Variants in CEP152 observed in about 807,000 individuals in gnomAD.
The protein encoded by CEP152 is centrosomal protein 152, also known as centrosomal protein of 152 kDa.
CEP152 carries 132 observed loss-of-function variants against 188.9 expected under a neutral mutation model. The ratio of observed to expected loss-of-function variants is 0.70; its 90% confidence interval spans 0.61 to 0.81. The LOEUF is 0.81. CEP152 is among the 30% of genes least tolerant of loss of function. CEP152 has a pLI of 0.00. For synonymous variants in CEP152, 649 were observed against 666.6 expected (o/e 0.97, Z 0.41); for missense variants, 1,914 against 1,969.8 (o/e 0.97, Z 0.54).
chr15:48,782,155 A>G lies in CEP152; in HGVS notation c.1397T>C (p.Met466Thr). The change falls in exon 11 of 27, where the codon ATG (methionine) becomes ACG (threonine). Residue 466 changes from methionine to threonine, a missense_variant. Coordinates refer to ENST00000380950, the MANE Select transcript of CEP152 (RefSeq NM_001194998.2). ...AACACTCACTTGCAAAGCCTTGTTC[A>G]TGTTTGCACTCATAGCATGTGCCTT... ...AQKAHAMSAN[M>T]NKALQEELTE... 1 of 1,613,882 alleles carries G rather than the reference A, an allele frequency of 6.2e-7. No homozygotes were observed. Among genetic ancestry groups the G allele is most frequent in the Non-Finnish European group, 8.5e-7 (1 of 1,179,812 alleles).
At chr15:48,796,352 T>C (rs1045198263) in intron 5 of CEP152, among the ~76,000 whole-genome samples, 192 bp from the exon 6 acceptor site, 3 of 151,938 alleles carry the variant, frequency 2.0e-5, no homozygotes, top group Non-Finnish European at 2.9e-5. Context: ...AAGTAGCACG[T>C]ATTGTTATTT....
intron 1 of CEP152, among the ~76,000 whole-genome samples, chr15:48,805,880 A>C (rs1333378065): frequency 2.0e-5 from 3 of 152,256 alleles, no homozygotes; most frequent in Non-Finnish European, 4.4e-5. Flanking sequence ...TAATAAAGCT[A>C]TGAATAGACC....
At chr15:48,756,686 T>C in intron 19 of CEP152, 133 bp from the exon 20 acceptor site, 1 of 810,476 alleles carries the variant, frequency 1.2e-6, no homozygotes, top group South Asian at 1.7e-5. Context: ...AACATGATTT[T>C]AGATAAGACA....
chr15:48,797,054 A>G (rs1015403182), intron 5 of CEP152, among the ~76,000 whole-genome samples: 43 of 152,234 alleles, frequency 2.8e-4, no homozygotes, highest in African/African-American at 9.9e-4. Flanking sequence ...TTAACTTTTA[A>G]TGTTTAATCA....
chr15:48,783,480 A>G (rs542178905), intron 10 of CEP152: 39 of 152,288 alleles, frequency 2.6e-4, no homozygotes, highest in African/African-American at 9.1e-4. Flanking sequence ...ATGGGATTTT[A>G]TAATCACTTT....
chr15:48,805,747 G>A, intron 1 of CEP152, 91 bp from the exon 2 acceptor site: 1 of 1,539,196 alleles, frequency 6.5e-7, no homozygotes, highest in Non-Finnish European at 8.9e-7. Flanking sequence ...TACACAAAGT[G>A]AAAAGACAGA....
chr15:48,774,975 G>A (rs1263837150), intron 12 of CEP152, among the ~76,000 whole-genome samples: 1 of 151,874 alleles, frequency 6.6e-6, no homozygotes, highest in Non-Finnish European at 1.5e-5. Flanking sequence ...AAATAGAAAT[G>A]TTATTAAGTA....
rs1265936291 is a variant in CEP152 at position 48,768,248 on chromosome 15, A to G, written c.1989T>C (p.Phe663=). The part of the protein sequence containing the change: ...CNQMRQMVQD[F]DHDKQEAVDR... ...CCACAGCTTCTTGTTTGTCATGGTC[A>G]AAATCTTGTACCATTTGTCTCATTT... The change falls in exon 15 of 27, where the codon TTT becomes TTC. Residue 663 remains phenylalanine, a synonymous_variant. Transcript: ENST00000380950. The G allele has an allele frequency of 9.9e-6, 16 of 1,611,434 alleles. No homozygotes were observed. Among genetic ancestry groups the G allele is most frequent in the Non-Finnish European group, 1.4e-5 (16 of 1,177,660 alleles).
At chr15:48,799,991 T>A (rs1897576031) in intron 2 of CEP152, among the ~76,000 whole-genome samples, 1 of 152,208 alleles carries the variant, frequency 6.6e-6, no homozygotes, top group Non-Finnish European at 1.5e-5. Flanking sequence ...AAACCTTCAG[T>A]AAGGTTCAAG....
intron 12 of CEP152, among the ~76,000 whole-genome samples, chr15:48,776,755 T>G (rs1188063826): frequency 6.6e-6 from 1 of 152,102 alleles, no homozygotes; most frequent in Non-Finnish European, 1.5e-5. Context: ...TTTAGAAACA[T>G]ACAAAACAGG....
intron 8 of CEP152, chr15:48,789,302 T>A: frequency 2.3e-6 from 1 of 435,216 alleles, no homozygotes; most frequent in Non-Finnish European, 4.3e-6. Flanking sequence ...CGGAATCTGC[T>A]GATGCCGTGA....
Position 48,741,624 on chromosome 15 carries a change from G to T in CEP152, c.4070C>A (p.Ser1357Tyr). The T allele has an allele frequency of 6.2e-7, 1 of 1,614,086 alleles. No individual in the cohort carries two copies. The highest frequency in any genetic ancestry group is 8.5e-7 in the Non-Finnish European group (1 of 1,180,020). The change falls in exon 26 of 27, where the codon TCC becomes TAC. Residue 1357 changes from serine to tyrosine, a missense_variant. Physicochemically the swap from Ser to Tyr is moderately radical, Grantham distance 144 (BLOSUM62 -2). Transcript: ENST00000380950. ...ACCTGACTGTGTAGTTTTGCTTTGG[G>T]ACTTACTAGAAATAGGTGTTTCCAG... ...KLLETPISSK[S>Y]QSKTTQSALP...
chr15:48,741,775 C>T (rs1892991725), intron 25 of CEP152, 71 bp from the exon 26 acceptor site: 1 of 1,611,004 alleles, frequency 6.2e-7, no homozygotes, highest in South Asian at 1.1e-5. Context: ...CCCATGGTTT[C>T]TGTTTTCCTA....
chr15:48,805,490 T>A, intron 2 of CEP152, 73 bp downstream of exon 2: 1 of 1,530,748 alleles, frequency 6.5e-7, no homozygotes, highest in Non-Finnish European at 8.8e-7. Context: ...GATGATACAA[T>A]TTTGATCAAG....
chr15:48,762,343 A>C, intron 18 of CEP152, 48 bp downstream of exon 18: 1 of 1,528,242 alleles, frequency 6.5e-7, no homozygotes. Context: ...GTTTTCATTA[A>C]GAGACAGGCA....
chr15:48,771,310 T>C (rs1895514938), intron 13 of CEP152, among the ~76,000 whole-genome samples: 1 of 152,240 alleles, frequency 6.6e-6, no homozygotes. Flanking sequence ...TTTTCCGAAC[T>C]GAAGAATACA....
chr15:48,756,816 G>A (rs1465796560), intron 19 of CEP152, among the ~76,000 whole-genome samples: 1 of 152,006 alleles, frequency 6.6e-6, no homozygotes, highest in African/African-American at 2.4e-5. Flanking sequence ...CAAAACTAAT[G>A]TGAGAAAAAA....
At position 48,796,200 on chromosome 15, in the gene CEP152, T is replaced by C. The variant is rs756029038; in HGVS notation, c.541-40A>G. 14 of 1,611,002 alleles carry C rather than the reference T, an allele frequency of 8.7e-6. No homozygotes were observed. In the South Asian group the frequency reaches 1.4e-4, roughly 16 times the overall value. ...GAAACTGACAATTAAGATTTGGCCT[T>C]TTCTTCCAAAATTATCTGAATTAGA... On this transcript the variant is annotated intron_variant, in intron 5 of 26. Coordinates refer to ENST00000380950, the MANE Select transcript of CEP152 (RefSeq NM_001194998.2).
intron 21 of CEP152, among the ~76,000 whole-genome samples, chr15:48,751,559 A>T (rs967199721): frequency 2.6e-5 from 4 of 152,190 alleles, no homozygotes; most frequent in Non-Finnish European, 5.9e-5. Flanking sequence ...AACTGAGGTT[A>T]TTTACTTAGT....
Sources: allele counts gnomAD v4.1 joint callset (sites outside exome capture counted in the v4.1 genomes callset), GRCh38; gene constraint gnomAD v4.1.1; transcripts MANE v1.5; gene names NCBI Gene and HGNC (gene_info 2026-07-23, HGNC 2026-07-21).